Variants in BCAT1 observed in about 807,000 individuals in gnomAD.
The protein encoded by BCAT1 is branched chain amino acid transaminase 1, also known as branched-chain-amino-acid aminotransferase, cytosolic.
BCAT1 carries 48 observed loss-of-function variants against 52.4 expected under a neutral mutation model. The observed-to-expected ratio is 0.92, with a 90% CI of 0.73 to 1.16. BCAT1 has a LOEUF of 1.16. Ranked by LOEUF, BCAT1 falls within the 50% of genes most tolerant of loss-of-function variation. The pLI, the probability that BCAT1 is intolerant of heterozygous loss-of-function variation, is 0.00. For missense variants in BCAT1, 451 were observed against 457.1 expected (o/e 0.99, Z 0.12); for synonymous variants, 167 against 161.3 (o/e 1.04, Z -0.27).
intron 10 of BCAT1, among the ~76,000 whole-genome samples, chr12:24,822,727 GT>G (rs1408245999): frequency 6.6e-6 from 1 of 152,164 alleles, no homozygotes; most frequent in Non-Finnish European, 1.5e-5. Flanking sequence ...GGTAGTTCTG[GT>G]TTGTGGTTAG....
intron 1 of BCAT1, chr12:24,902,916 C>T (rs1333831427): frequency 1.3e-6 from 2 of 1,511,974 alleles, no homozygotes; most frequent in Non-Finnish European, 1.8e-6. Context: ...CCAATCCTCC[C>T]CCCTTCCGCA....
intron 4 of BCAT1, among the ~76,000 whole-genome samples, chr12:24,879,179 A>C (rs970373444): frequency 6.6e-6 from 1 of 152,232 alleles, no homozygotes; most frequent in Admixed American, 6.5e-5. Context: ...AAGGAAAAAA[A>C]TGGATAAAAT....
At chr12:24,837,845 G>A (rs1022106572) in intron 7 of BCAT1, among the ~76,000 whole-genome samples, 3 of 152,152 alleles carry the variant, frequency 2.0e-5, no homozygotes, top group African/African-American at 2.4e-5. Context: ...GCTCAAGCAC[G>A]TGTACGGTTA....
At chr12:24,921,264 T>C (rs763747572) in intron 1 of BCAT1, among the ~76,000 whole-genome samples, 8 of 152,202 alleles carry the variant, frequency 5.3e-5, no homozygotes, top group Admixed American at 3.9e-4. Context: ...ATTCCAAGGA[T>C]TTTTAGTACT....
chr12:24,821,786 C>G (rs944730037), intron 10 of BCAT1, among the ~76,000 whole-genome samples: 1 of 152,110 alleles, frequency 6.6e-6, no homozygotes, highest in Non-Finnish European at 1.5e-5. Flanking sequence ...AAAGGCCTTA[C>G]GGGATCATCC....
chr12:24,818,589 C>G (rs1173988477), intron 10 of BCAT1, among the ~76,000 whole-genome samples: 1 of 152,140 alleles, frequency 6.6e-6, no homozygotes, highest in Admixed American at 6.6e-5. Flanking sequence ...TTCCGACATG[C>G]ACTAAAGAGT....
chr12:24,869,854 T>G (rs1942131596), intron 5 of BCAT1, among the ~76,000 whole-genome samples: 1 of 152,364 alleles, frequency 6.6e-6, no homozygotes, highest in East Asian at 1.9e-4. Context: ...TCACTTTCAC[T>G]CTTTTCTTTA....
At chr12:24,936,325 C>T (rs72640139) in intron 1 of BCAT1, among the ~76,000 whole-genome samples, 13,442 of 152,250 alleles carry the variant, frequency 0.088, 1,065 homozygotes, top group South Asian at 0.31. Flanking sequence ...CTCTACCTCC[C>T]GGGTTCAAGT....
chr12:24,933,596 A>T (rs1943710767), intron 1 of BCAT1, among the ~76,000 whole-genome samples: 1 of 152,030 alleles, frequency 6.6e-6, no homozygotes, highest in South Asian at 2.1e-4. Context: ...GTCGAAGGTG[A>T]TTGGATCTTG....
chr12:24,829,147 G>T (rs747267255), intron 10 of BCAT1, among the ~76,000 whole-genome samples: 6 of 152,032 alleles, frequency 3.9e-5, no homozygotes, highest in Non-Finnish European at 8.8e-5. Context: ...AATTTAGGAG[G>T]CCAAGGCAGG....
rs141688218 is a variant in BCAT1, at chr12:24,905,799, G to A, written c.7-3914C>T. Among the ~76,000 whole-genome samples the A allele has an allele frequency of 1.4e-4, 21 of 151,860 alleles. No individual in the cohort carries two copies. In the Middle Eastern group the frequency reaches 0.01, roughly 74 times the overall value. ...AGGATTAGGTGGAGTATGCAGGAGC[G>A]GTGACAGAATTGAAGGTATTGGCTG... On this transcript the variant is annotated intron_variant, in intron 1 of 10. Transcript: ENST00000261192.
chr12:24,892,209 C>T (rs1942865658), intron 3 of BCAT1, among the ~76,000 whole-genome samples: 1 of 151,946 alleles, frequency 6.6e-6, no homozygotes, highest in African/African-American at 2.4e-5. Context: ...ACATTATCTA[C>T]GTGGAAATAG....
intron 1 of BCAT1, among the ~76,000 whole-genome samples, chr12:24,941,181 TC>T (rs1225515189): frequency 6.6e-6 from 1 of 152,204 alleles, no homozygotes; most frequent in Non-Finnish European, 1.5e-5. Flanking sequence ...CAGTTTATAT[TC>T]CTATGTAGCA....
At position 24,932,675 on chromosome 12, in the gene BCAT1, C is replaced by G. The variant is rs564137674; in HGVS notation, c.6+16252G>C. ...TTTGTTGCAGACTGTCTCCTTCTAT[C>G]GCACAGGCTGGAGTGCAGTGGCACA... On this transcript the variant is annotated intron_variant, in intron 1 of 10. Coordinates refer to ENST00000261192, the MANE Select transcript of BCAT1 (RefSeq NM_005504.7). Among the ~76,000 whole-genome samples the G allele has an allele frequency of 6.6e-5, 10 of 152,338 alleles. No individual in the cohort carries two copies. In the East Asian group the frequency reaches 1.9e-3, roughly 29 times the overall value.
At chr12:24,900,554 C>T (rs562981579) in intron 2 of BCAT1, among the ~76,000 whole-genome samples, 19 of 152,254 alleles carry the variant, frequency 1.2e-4, no homozygotes, top group South Asian at 4.1e-4. Flanking sequence ...TGCCACTGCA[C>T]TTCAGTCTGG....
chr12:24,862,556 G>C (rs928059062), intron 5 of BCAT1, among the ~76,000 whole-genome samples: 1 of 152,052 alleles, frequency 6.6e-6, no homozygotes, highest in Non-Finnish European at 1.5e-5. Context: ...AAATGTTAAG[G>C]CTCCACCCCA....
intron 8 of BCAT1, among the ~76,000 whole-genome samples, chr12:24,836,167 C>A (rs1940915956): frequency 6.6e-6 from 1 of 152,180 alleles, no homozygotes; most frequent in South Asian, 2.1e-4. Context: ...TTGGAAGCAA[C>A]ACAGACTTGG....
At chr12:24,943,387 G>C (rs1943876681) in intron 1 of BCAT1, among the ~76,000 whole-genome samples, 1 of 151,150 alleles carries the variant, frequency 6.6e-6, no homozygotes, top group Non-Finnish European at 1.5e-5. Context: ...CAGCTACTCA[G>C]GGAGCTGAGG....
rs544267748 is a variant in BCAT1, at chr12:24,829,339, G to A, written c.1119+484C>T. Reference sequence around the variant, plus strand: ...GCAGAGGTTGCAGTGAGCCAAGATCGTGCCATCGTACTCCAGCCTGGGCAA... The same window carrying A: ...GCAGAGGTTGCAGTGAGCCAAGATCATGCCATCGTACTCCAGCCTGGGCAA... On this transcript the variant is annotated intron_variant, in intron 10 of 10. Transcript: ENST00000261192. Among the ~76,000 whole-genome samples the A allele has an allele frequency of 6.6e-5, 10 of 152,056 alleles. No individual in the cohort carries two copies. In the South Asian group the frequency reaches 8.3e-4, roughly 13 times the overall value.
Sources: gnomAD v4.1 joint callset for allele counts (sites outside exome capture counted in the v4.1 genomes callset) on GRCh38, gnomAD v4.1.1 for gene constraint, MANE v1.5 for transcripts, NCBI Gene and HGNC (gene_info 2026-07-23, HGNC 2026-07-21) for gene names.